The following ITGB3BP variants were observed in gnomAD, a reference collection of about 807,000 sequenced individuals.
The protein encoded by ITGB3BP is centromere protein R.
Under a neutral mutation model 29.1 loss-of-function variants are expected in ITGB3BP, and 27 were observed. That is an observed-to-expected ratio of 0.93 (90% CI 0.68 to 1.28). The LOEUF is 1.28. Ranked by LOEUF, ITGB3BP falls within the 50% of genes most tolerant of loss-of-function variation. The probability of loss-of-function intolerance (pLI) is 0.00; values close to 1 mark genes in which losing one functional copy is unlikely to be tolerated. For synonymous variants in ITGB3BP, 61 were observed against 61.4 expected (o/e 0.99, Z 0.03); for missense variants, 192 against 200.2 (o/e 0.96, Z 0.25).
chr1:63,494,543 G>A (rs1645742022), intron 2 of ITGB3BP, among the ~76,000 whole-genome samples: 1 of 151,976 alleles, frequency 6.6e-6, no homozygotes, highest in Non-Finnish European at 1.5e-5. Flanking sequence ...GATCTTACAG[G>A]GATAGCAAGG....
At position 63,449,041 on chromosome 1, in the gene ITGB3BP, A is replaced by G. The variant is rs150448951; in HGVS notation, c.485-2185T>C. Among the ~76,000 whole-genome samples the G allele has an allele frequency of 4.6e-5, 7 of 152,260 alleles. No homozygotes were observed. In the East Asian group the frequency reaches 1.3e-3, roughly 29 times the overall value. On this transcript the variant is annotated intron_variant, in intron 7 of 8. Coordinates refer to ENST00000271002, the MANE Select transcript of ITGB3BP (RefSeq NM_014288.5). Reference sequence around the variant, plus strand: ...TAGTAAGCAGAACTGTTTAAATGTTATTTATTTTTATGTTTCAAAGAAAAT... The same window carrying G: ...TAGTAAGCAGAACTGTTTAAATGTTGTTTATTTTTATGTTTCAAAGAAAAT...
rs771607061 is a variant in ITGB3BP, at chr1:63,523,137, G to C, written c.-4C>G. On this transcript the variant is annotated 5_prime_UTR_variant, in exon 1 of 9. The change creates a premature stop within an existing upstream ORF in the 5' untranslated region. Coordinates refer to ENST00000271002, the MANE Select transcript of ITGB3BP (RefSeq NM_014288.5). ...GGGGAGGAGATACCTACGGCATTCT[G>C]AGATTCGGGAAAGCACCACTGCCGC... 1 of 1,614,170 alleles carries C rather than the reference G, an allele frequency of 6.2e-7. No individual in the cohort carries two copies. The highest frequency in any genetic ancestry group is 1.1e-5 in the South Asian group (1 of 91,086).
At chr1:63,459,737 G>T (rs972496401) in intron 4 of ITGB3BP, among the ~76,000 whole-genome samples, 9 of 151,998 alleles carry the variant, frequency 5.9e-5, no homozygotes, top group African/African-American at 2.2e-4. Context: ...ATAACAAGGG[G>T]CACAGTCAGG....
intron 2 of ITGB3BP, among the ~76,000 whole-genome samples, chr1:63,495,615 C>T (rs1645766865): frequency 6.6e-6 from 1 of 150,424 alleles, no homozygotes; most frequent in Non-Finnish European, 1.5e-5. Context: ...GCAGCTGGCA[C>T]TGCCATGTAT....
intron 8 of ITGB3BP, chr1:63,443,154 A>T (rs1435465255): frequency 6.6e-6 from 1 of 152,512 alleles, no homozygotes; most frequent in Non-Finnish European, 1.5e-5. Flanking sequence ...TTGTGCAGGT[A>T]GGGAAGTTGG....
At chr1:63,471,262 G>GT (rs55797590) in intron 4 of ITGB3BP, among the ~76,000 whole-genome samples, 4,969 of 125,348 alleles carry the variant, frequency 0.04, 412 homozygotes, top group African/African-American at 0.13. Context: ...TCCTCTAAAA[G>GT]TTTTTTTTTT....
At chr1:63,484,807 T>C (rs900235378) in intron 3 of ITGB3BP, among the ~76,000 whole-genome samples, 3 of 152,100 alleles carry the variant, frequency 2.0e-5, no homozygotes, top group African/African-American at 7.2e-5. Flanking sequence ...CTGAAAGAGG[T>C]AGTTTAAAAT....
At chr1:63,444,038 G>A (rs1340015614) in intron 8 of ITGB3BP, among the ~76,000 whole-genome samples, 1 of 152,182 alleles carries the variant, frequency 6.6e-6, no homozygotes, top group Non-Finnish European at 1.5e-5. Context: ...AGGCAGAACT[G>A]AGGGAAATGC....
At chr1:63,485,258 C>T (rs1184080902) in intron 3 of ITGB3BP, among the ~76,000 whole-genome samples, 2 of 152,002 alleles carry the variant, frequency 1.3e-5, no homozygotes. Flanking sequence ...TTACTATCTT[C>T]CCCATTTTAC....
At chr1:63,476,131 C>A (rs1176866861) in intron 4 of ITGB3BP, among the ~76,000 whole-genome samples, 1 of 151,120 alleles carries the variant, frequency 6.6e-6, no homozygotes, top group Non-Finnish European at 1.5e-5. Flanking sequence ...AACTCTTGGT[C>A]TCAAGCAATC....
chr1:63,484,897 C>T (rs1015131820), intron 3 of ITGB3BP, among the ~76,000 whole-genome samples: 3 of 152,008 alleles, frequency 2.0e-5, no homozygotes, highest in African/African-American at 4.8e-5. Context: ...TTTTTAGATG[C>T]ACATATGGCT....
At chr1:63,502,714 T>C (rs954476612) in intron 2 of ITGB3BP, among the ~76,000 whole-genome samples, 5 of 133,126 alleles carry the variant, frequency 3.8e-5, no homozygotes, top group African/African-American at 1.4e-4. Flanking sequence ...CCTTACTGTG[T>C]CCATGTGTTC....
chr1:63,511,835 T>C (rs958593456), intron 1 of ITGB3BP, among the ~76,000 whole-genome samples: 1 of 151,828 alleles, frequency 6.6e-6, no homozygotes, highest in African/African-American at 2.4e-5. Context: ...TTTTACAAGA[T>C]GAAAAAAAAT....
intron 3 of ITGB3BP, among the ~76,000 whole-genome samples, chr1:63,480,849 G>T (rs537155640): frequency 6.6e-6 from 1 of 151,898 alleles, no homozygotes; most frequent in Admixed American, 6.6e-5. Context: ...AAGGGGAAAA[G>T]AATAACAATA....
chr1:63,453,435 A>C (rs1360902733), intron 7 of ITGB3BP, among the ~76,000 whole-genome samples: 1 of 152,184 alleles, frequency 6.6e-6, no homozygotes, highest in African/African-American at 2.4e-5. Context: ...TTCCTATGGA[A>C]ACCTAAAAAC....
chr1:63,466,440 C>T (rs1645101392), intron 4 of ITGB3BP, among the ~76,000 whole-genome samples: 1 of 152,164 alleles, frequency 6.6e-6, no homozygotes, highest in Admixed American at 6.5e-5. Flanking sequence ...TTGTACTTGC[C>T]AAACTTAAAA....
chr1:63,494,695 G>A (rs1489618334), intron 2 of ITGB3BP, among the ~76,000 whole-genome samples: 1 of 152,060 alleles, frequency 6.6e-6, no homozygotes, highest in East Asian at 1.9e-4. Flanking sequence ...GGCTAAAAAC[G>A]TTGATGCACT....
intron 2 of ITGB3BP, among the ~76,000 whole-genome samples, chr1:63,508,193 G>A (rs962110290): frequency 1.3e-5 from 2 of 151,992 alleles, no homozygotes; most frequent in Non-Finnish European, 2.9e-5. Flanking sequence ...TAAAAGTACT[G>A]CCATTGTCCC....
intron 1 of ITGB3BP, among the ~76,000 whole-genome samples, chr1:63,512,606 T>C (rs1351483466): frequency 6.6e-6 from 1 of 152,166 alleles, no homozygotes; most frequent in Non-Finnish European, 1.5e-5. Flanking sequence ...GGAGCCTTCA[T>C]GCTATGCCAA....
Sources: gnomAD v4.1 joint callset for allele counts (sites outside exome capture counted in the v4.1 genomes callset) on GRCh38, gnomAD v4.1.1 for gene constraint, MANE v1.5 for transcripts, NCBI Gene and HGNC (gene_info 2026-07-23, HGNC 2026-07-21) for gene names.